MACF1: variants seen among roughly 807,000 people sequenced by gnomAD.
The protein encoded by MACF1 is microtubule actin crosslinking factor 1, also known as microtubule-actin cross-linking factor 1.
Under a neutral mutation model 854.8 loss-of-function variants are expected in MACF1, and 193 were observed. That is an observed-to-expected ratio of 0.23 (90% confidence interval 0.20 to 0.25). The LOEUF is 0.25. Among genes scored for constraint, MACF1 ranks in the 10% least tolerant of loss-of-function variants. MACF1 has a pLI of 1.00. For synonymous variants in MACF1, 3,185 were observed against 3,226.7 expected (o/e 0.99, Z 0.44); for missense variants, 7,722 against 8,929.1 (o/e 0.86, Z 5.45).
intron 2 of MACF1, among the ~76,000 whole-genome samples, chr1:39,164,724 G>C (rs1643866988): frequency 6.6e-6 from 1 of 152,196 alleles, no homozygotes; most frequent in Non-Finnish European, 1.5e-5. Flanking sequence ...ATTGGTACCA[G>C]ATTGAGATTC....
chr1:39,174,692 T>C (rs1028693173), intron 2 of MACF1, among the ~76,000 whole-genome samples: 2 of 152,228 alleles, frequency 1.3e-5, no homozygotes, highest in Admixed American at 6.5e-5. Flanking sequence ...TTGTGTACTT[T>C]CGTAGTCTTT....
At chr1:39,368,040 G>T in intron 49 of MACF1, 108 bp from the exon 50 acceptor site, 6 of 703,434 alleles carry the variant, frequency 8.5e-6, no homozygotes, top group African/African-American at 3.6e-5. Flanking sequence ...CATATTTATT[G>T]TTTTGATCTA....
At chr1:39,102,435 G>T (rs895035899) in intron 2 of MACF1, among the ~76,000 whole-genome samples, 2 of 2,190 alleles carry the variant, frequency 9.1e-4, no homozygotes, top group East Asian at 6.3e-3. Context: ...AATTGGAGGC[G>T]GGGGGGGGGT....
At chr1:39,319,567 C>A in intron 30 of MACF1, 97 bp from the exon 31 acceptor site, 2 of 798,230 alleles carry the variant, frequency 2.5e-6, no homozygotes, top group Non-Finnish European at 4.1e-6. Flanking sequence ...TCTGATGCAG[C>A]TAAGGTTTGG....
At chr1:39,253,391 G>A (rs1189220186) in intron 4 of MACF1, among the ~76,000 whole-genome samples, 1 of 152,078 alleles carries the variant, frequency 6.6e-6, no homozygotes, top group Middle Eastern at 3.2e-3. Flanking sequence ...TTCAGTGGCA[G>A]CTATGTTCCT....
At chr1:39,381,345 C>A (rs1441770323) in intron 55 of MACF1, among the ~76,000 whole-genome samples, 2 of 146,964 alleles carry the variant, frequency 1.4e-5, no homozygotes, top group Non-Finnish European at 3.0e-5. Flanking sequence ...GTGTGAGCCA[C>A]CATGCCTGGC....
Position 39,303,150 on chromosome 1 carries a change from T to C in MACF1, c.2789+72T>C, listed in dbSNP as rs1646084555. On this transcript the variant is annotated intron_variant, in intron 23 of 100. Transcript: ENST00000564288. Reference sequence around the variant, plus strand: ...CTCGGTGAACCAGTGGAGGGATGAGTGTGCATTTGTGATGTTTTTGAACAC... The same window carrying C: ...CTCGGTGAACCAGTGGAGGGATGAGCGTGCATTTGTGATGTTTTTGAACAC... 14 of 1,521,450 alleles carry C rather than the reference T, an allele frequency of 9.2e-6. No individual in the cohort carries two copies. In the South Asian group the frequency reaches 1.7e-4, roughly 19 times the overall value. The allele number at this position is 1,521,450 out of a possible 1,614,324, so 94.2% of individuals were successfully genotyped here.
intron 46 of MACF1, 93 bp from the exon 47 acceptor site, chr1:39,359,048 A>G: frequency 6.6e-7 from 1 of 1,513,130 alleles, no homozygotes; most frequent in Non-Finnish European, 9.0e-7. Context: ...TAAACTTACA[A>G]TTATTCTGTA....
intron 58 of MACF1, among the ~76,000 whole-genome samples, chr1:39,389,452 G>A (rs574997590): frequency 3.6e-5 from 5 of 137,348 alleles, no homozygotes; most frequent in African/African-American, 1.1e-4. Flanking sequence ...CTCCACCTCC[G>A]GGGTCCAAGT....
Position 39,084,724 on chromosome 1 carries a change from C to A in MACF1, c.220+286C>A, listed in dbSNP as rs1641624839. ...GTTATATTTTCTATGCAGTTGCCTT[C>A]ATGGCTTAGGTACCATTCTGCATCT... On this transcript the variant is annotated intron_variant, in intron 2 of 93. Transcript: ENST00000361689. The surrounding 1 kb of genome is among the most constrained non-coding windows in gnomAD (Gnocchi z 5.2). 6.6e-6 allele frequency among the ~76,000 whole-genome samples: 1 copy of A among 152,192 alleles called. No homozygotes were observed. Among genetic ancestry groups the A allele is most frequent in the Non-Finnish European group, 1.5e-5 (1 of 68,042 alleles).
intron 2 of MACF1, among the ~76,000 whole-genome samples, chr1:39,109,156 C>T (rs981206572): frequency 3.3e-5 from 5 of 152,176 alleles, no homozygotes; most frequent in Admixed American, 1.3e-4. Flanking sequence ...AGATTTCTCT[C>T]ATCTTTTGGG....
At chr1:39,459,914 C>G in intron 91 of MACF1, 1 of 1,099,408 alleles carries the variant, frequency 9.1e-7, no homozygotes, top group Non-Finnish European at 1.2e-6. Context: ...TTTTTTCCCC[C>G]ATTCCTTCTA....
intron 40 of MACF1, among the ~76,000 whole-genome samples, chr1:39,346,270 G>C (rs945527409): frequency 1.3e-5 from 2 of 151,518 alleles, no homozygotes; most frequent in African/African-American, 4.8e-5. Flanking sequence ...GCTGAGGGAG[G>C]AGAATAGCAT....
At chr1:39,416,850 A>G (rs1208155920) in intron 58 of MACF1, among the ~76,000 whole-genome samples, 1 of 152,248 alleles carries the variant, frequency 6.6e-6, no homozygotes, top group African/African-American at 2.4e-5. Context: ...AGGAAAGGAT[A>G]GATCTGAGCC....
At chr1:39,150,093 G>A (rs987527590) in intron 2 of MACF1, among the ~76,000 whole-genome samples, 1 of 151,316 alleles carries the variant, frequency 6.6e-6, no homozygotes, top group Non-Finnish European at 1.5e-5. Flanking sequence ...GTGCAGTCTC[G>A]GCTCACTGCA....
intron 58 of MACF1, 101 bp downstream of exon 58, chr1:39,388,759 A>G (rs1268319529): frequency 9.0e-7 from 1 of 1,116,856 alleles, no homozygotes. Flanking sequence ...CCCTAGTTTT[A>G]TTATTGTCAC....
At chr1:39,236,725 A>G (rs937356260) in intron 2 of MACF1, among the ~76,000 whole-genome samples, 3 of 152,096 alleles carry the variant, frequency 2.0e-5, no homozygotes, top group Non-Finnish European at 4.4e-5. Flanking sequence ...GCAGTGGCGC[A>G]ATCTCAGCTC....
chr1:39,340,604 C>T lies in MACF1; in HGVS notation c.10318C>T (p.Leu3440=), dbSNP rs775801299. The T allele has an allele frequency of 1.9e-6, 3 of 1,614,174 alleles. No homozygotes were observed. Among genetic ancestry groups the T allele is most frequent in the South Asian group, 2.2e-5 (2 of 91,082 alleles). The change falls in exon 39 of 101, where the codon CTG becomes TTG. Residue 3440 remains leucine, a synonymous_variant. Coordinates refer to ENST00000564288, the MANE Select transcript of MACF1 (RefSeq NM_001394062.1). ...ISQPQEVPAQ[L]LKALEKDAKN... ...CCAGCCTCAAGAAGTTCCTGCTCAA[C>T]TGTTGAAGGCTCTAGAGAAAGATGC... is the stretch of plus-strand genomic sequence containing the variant.
intron 29 of MACF1, among the ~76,000 whole-genome samples, chr1:39,317,617 G>C (rs912842418): frequency 2.0e-5 from 3 of 152,156 alleles, no homozygotes; most frequent in Non-Finnish European, 4.4e-5. Context: ...CTGTGTCCCA[G>C]GTCTTTTCTA....
Sources: allele counts gnomAD v4.1 joint callset (sites outside exome capture counted in the v4.1 genomes callset), GRCh38; gene constraint gnomAD v4.1.1; non-coding constraint Gnocchi (gnomAD v3.1); transcripts MANE v1.5; gene names NCBI Gene and HGNC (gene_info 2026-07-23, HGNC 2026-07-21).